The following TBL1XR1 variants were observed in gnomAD, a reference collection of about 807,000 sequenced individuals.
TBL1XR1 encodes the protein TBL1X/Y related 1.
Under a neutral mutation model 66.9 loss-of-function variants are expected in TBL1XR1, and 5 were observed. That is an observed-to-expected ratio of 0.07 (90% CI 0.04 to 0.16). TBL1XR1 has a LOEUF of 0.16. Ranked by LOEUF, TBL1XR1 falls within the 10% of genes least tolerant of loss-of-function variation. The pLI is 1.00. For missense variants in TBL1XR1, 238 were observed against 623.2 expected (o/e 0.38, Z 6.58); for synonymous variants, 210 against 206.0 (o/e 1.02, Z -0.17).
At chr3:177,062,100 C>A (rs948609173) in intron 3 of TBL1XR1, among the ~76,000 whole-genome samples, 2 of 152,150 alleles carry the variant, frequency 1.3e-5, no homozygotes, top group Non-Finnish European at 2.9e-5. Context: ...CCCTTTAAGA[C>A]ATAAAAACGC....
intron 1 of TBL1XR1, among the ~76,000 whole-genome samples, chr3:177,122,829 C>T (rs775688682): frequency 1.5e-4 from 23 of 152,058 alleles, no homozygotes; most frequent in Non-Finnish European, 1.3e-4. Context: ...CAATGAGCAT[C>T]AACAGTATCT....
intron 14 of TBL1XR1, among the ~76,000 whole-genome samples, chr3:177,029,232 C>A (rs1034972926): frequency 6.6e-6 from 1 of 152,036 alleles, no homozygotes. Flanking sequence ...GCTGAGGAGT[C>A]CAGCCTGGGT....
At chr3:177,110,254 C>T (rs1725389175) in intron 1 of TBL1XR1, among the ~76,000 whole-genome samples, 1 of 152,146 alleles carries the variant, frequency 6.6e-6, no homozygotes, top group South Asian at 2.1e-4. Context: ...AAATTAACAT[C>T]AAAGAACTTC....
At chr3:177,034,914 A>G (rs376936360) in intron 12 of TBL1XR1, among the ~76,000 whole-genome samples, 5 of 151,770 alleles carry the variant, frequency 3.3e-5, no homozygotes, top group African/African-American at 9.7e-5. Context: ...GCAAAAATTC[A>G]TAGAAATCAA....
At chr3:177,137,396 G>A (rs1250695101) in intron 1 of TBL1XR1, among the ~76,000 whole-genome samples, 1 of 152,210 alleles carries the variant, frequency 6.6e-6, no homozygotes, top group Non-Finnish European at 1.5e-5. Context: ...GGAGGCTGAG[G>A]CAGGAAGATC....
At chr3:177,199,262 C>T (rs1737288563), upstream of TBL1XR1, among the ~76,000 whole-genome samples, 2 of 152,204 alleles carry the variant, frequency 1.3e-5, no homozygotes, top group Admixed American at 1.3e-4. Flanking sequence ...TACAGGGAAA[C>T]CGCACAAAGC....
chr3:177,034,174 G>A, intron 13 of TBL1XR1, 24 bp downstream of exon 13: 6 of 1,591,542 alleles, frequency 3.8e-6, no homozygotes, highest in Non-Finnish European at 5.1e-6. Context: ...ACTCATAAAA[G>A]GAAAAATGAA....
intron 2 of TBL1XR1, among the ~76,000 whole-genome samples, chr3:177,091,924 A>C (rs62298936): frequency 0.037 from 5,616 of 152,266 alleles, 209 homozygotes; most frequent in African/African-American, 0.085. Context: ...GAATATGAAC[A>C]TTCTCATTGC....
In TBL1XR1 at chr3:177,043,624, A is replaced by G. The variant is rs74445636; in HGVS notation, c.925+2505T>C. Among the ~76,000 whole-genome samples the G allele has an allele frequency of 2.0e-3, 304 of 152,266 alleles. No homozygotes were observed. The East Asian group carries it at 0.025, about 13-fold the overall frequency. ...AGTATATTTTACATAGGCAGTATAT[A>G]GTTGAGTCTTGCTTGTTGATTCAGT... is the stretch of plus-strand genomic sequence containing the variant. On this transcript the variant is annotated intron_variant, in intron 10 of 15. Coordinates refer to ENST00000457928, the MANE Select transcript of TBL1XR1 (RefSeq NM_024665.7).
At chr3:177,034,350 CA>C (rs2108414805) in intron 12 of TBL1XR1, 25 bp from the exon 13 acceptor site, 1 of 1,462,350 alleles carries the variant, frequency 6.8e-7, no homozygotes, top group East Asian at 2.5e-5. Flanking sequence ...AAAATGTATA[CA>C]ATTATTTTTC....
upstream of TBL1XR1, among the ~76,000 whole-genome samples, chr3:177,197,924 G>T (rs1186170821): frequency 6.7e-6 from 1 of 150,122 alleles, no homozygotes; most frequent in Non-Finnish European, 1.5e-5. Flanking sequence ...GGGTGGGGGC[G>T]GGGAGGCCCG....
chr3:177,091,140 T>C (rs67841243), intron 2 of TBL1XR1: 18,162 of 152,032 alleles, frequency 0.12, 1,287 homozygotes, highest in Admixed American at 0.2. Context: ...AGATTACACA[T>C]GAGGACTTAC....
intron 2 of TBL1XR1, 67 bp downstream of exon 2, chr3:177,098,399 A>G (rs1723772434): frequency 1.1e-6 from 1 of 921,500 alleles, no homozygotes; most frequent in Admixed American, 6.2e-5. Context: ...GAAACTTTCA[A>G]AATTCTCAAA....
rs1404080219 is a variant in TBL1XR1 at position 177,112,091 on chromosome 3, ATATATATATATATATATT to A, written c.-121-13568_-121-13551del. On this transcript the variant is annotated intron_variant, in intron 1 of 15. Coordinates refer to ENST00000457928, the MANE Select transcript of TBL1XR1 (RefSeq NM_024665.7). ...TAAAATCAAATATATATATATATAT[ATATATATATATATATATT>A]TTTTTTTTTTTTTTTTGTGAGGGGC... is the stretch of plus-strand genomic sequence containing the variant. 3.1e-4 allele frequency among the ~76,000 whole-genome samples: 14 copies of A among 45,636 alleles called. 1 individual carries two copies. Among genetic ancestry groups the A allele is most frequent in the African/African-American group, 1.3e-3 (9 of 6,704 alleles). The allele number at this position is 45,636 out of a possible 152,430, so 29.9% of individuals were successfully genotyped here. A position where few individuals can be genotyped will look rare whatever the true frequency, so the allele number is the denominator to read the frequency against.
At chr3:177,037,817 G>T in intron 12 of TBL1XR1, 1 of 227,148 alleles carries the variant, frequency 4.4e-6, no homozygotes, top group Admixed American at 6.1e-5. Flanking sequence ...TCTTCTTATT[G>T]GTTCTGTTTC....
At chr3:177,065,688 G>A (rs1719064164) in intron 2 of TBL1XR1, among the ~76,000 whole-genome samples, 1 of 152,184 alleles carries the variant, frequency 6.6e-6, no homozygotes, top group African/African-American at 2.4e-5. Flanking sequence ...ATACTTATTT[G>A]TCCTCATGTC....
intron 1 of TBL1XR1, among the ~76,000 whole-genome samples, chr3:177,195,010 A>T (rs1736651131): frequency 6.6e-6 from 1 of 152,176 alleles, no homozygotes. Flanking sequence ...TGCCATTAAC[A>T]TGTCACTTTA....
chr3:177,136,524 C>A (rs1395256039), intron 1 of TBL1XR1, among the ~76,000 whole-genome samples: 1 of 152,200 alleles, frequency 6.6e-6, no homozygotes, highest in Non-Finnish European at 1.5e-5. Context: ...AAGTGATCCA[C>A]CCGCCTAGGC....
chr3:177,038,049 C>G, intron 12 of TBL1XR1, 49 bp downstream of exon 12: 1 of 1,553,944 alleles, frequency 6.4e-7, no homozygotes. Flanking sequence ...GCCAGAGCAA[C>G]CATACTGTGT....
Sources: gnomAD v4.1 joint callset for allele counts (sites outside exome capture counted in the v4.1 genomes callset) on GRCh38, gnomAD v4.1.1 for gene constraint, MANE v1.5 for transcripts, NCBI Gene and HGNC (gene_info 2026-07-23, HGNC 2026-07-21) for gene names.